MAF: variants seen among roughly 807,000 people sequenced by gnomAD.
The protein encoded by MAF is MAF bZIP transcription factor.
Under a neutral mutation model 22.0 loss-of-function variants are expected in MAF, and 10 were observed. The ratio of observed to expected loss-of-function variants is 0.45; its 90% CI spans 0.28 to 0.77. MAF has a LOEUF of 0.77. Ranked by LOEUF, MAF falls within the 30% of genes least tolerant of loss-of-function variation. The probability of loss-of-function intolerance (pLI) is 0.12; values close to 1 mark genes in which losing one functional copy is unlikely to be tolerated. For missense variants in MAF, 544 were observed against 548.4 expected (o/e 0.99, Z 0.08); for synonymous variants, 337 against 255.8 (o/e 1.32, Z -3.03).
chr16:79,554,119 A>C, the MAF span, among the ~76,000 whole-genome samples: 408 of 91,780 alleles, frequency 4.4e-3, 1 homozygote, highest in South Asian at 0.012. Flanking sequence ...ACAAACAAAC[A>C]AACAAACAAA....
At chr16:79,283,333 T>A in the MAF span, among the ~76,000 whole-genome samples, 1 of 152,356 alleles carries the variant, frequency 6.6e-6, no homozygotes, top group African/African-American at 2.4e-5. Flanking sequence ...TCACAATAAG[T>A]ACATTCCAGA....
chr16:79,588,504 G>T (rs1253289883), intron 1 of MAF, among the ~76,000 whole-genome samples: 4 of 151,858 alleles, frequency 2.6e-5, no homozygotes, highest in African/African-American at 9.7e-5. Context: ...GCGCAATCTG[G>T]GCTTACTGCA....
the MAF span, among the ~76,000 whole-genome samples, chr16:79,507,589 T>C: frequency 4.0e-4 from 61 of 152,142 alleles, 1 homozygote; most frequent in Middle Eastern, 3.4e-3. Flanking sequence ...CATGCCTGGC[T>C]AATTTTTTTG....
the MAF span, among the ~76,000 whole-genome samples, chr16:79,414,233 T>C: frequency 6.6e-6 from 1 of 152,306 alleles, no homozygotes; most frequent in South Asian, 2.1e-4. Flanking sequence ...GGATGGGCAA[T>C]TCACAAAGAA....
the MAF span, among the ~76,000 whole-genome samples, chr16:79,531,708 C>A: frequency 6.6e-6 from 1 of 152,146 alleles, no homozygotes; most frequent in South Asian, 2.1e-4. Context: ...AGCACTCAGG[C>A]AGTCATGTGA....
the MAF span, among the ~76,000 whole-genome samples, chr16:79,574,827 G>A: frequency 1.3e-5 from 2 of 152,172 alleles, no homozygotes; most frequent in Middle Eastern, 3.4e-3. Context: ...GATGAAGCAG[G>A]GGAAATGCAA....
the MAF span, among the ~76,000 whole-genome samples, chr16:79,354,848 G>A: frequency 6.6e-6 from 1 of 151,972 alleles, no homozygotes; most frequent in African/African-American, 2.4e-5. Flanking sequence ...CACACACACA[G>A]AAAAAAATAA....
the MAF span, among the ~76,000 whole-genome samples, chr16:79,496,103 C>A: frequency 6.6e-6 from 1 of 152,060 alleles, no homozygotes; most frequent in African/African-American, 2.4e-5. Flanking sequence ...AACTTCCTGA[C>A]CCACAAAAAT....
chr16:79,270,269 G>A, the MAF span, among the ~76,000 whole-genome samples: 1 of 152,070 alleles, frequency 6.6e-6, no homozygotes, highest in East Asian at 1.9e-4. Context: ...TGGCCTGAGG[G>A]CTGCAGGGGG....
chr16:79,499,870 T>A, the MAF span, among the ~76,000 whole-genome samples: 1 of 152,242 alleles, frequency 6.6e-6, no homozygotes, highest in Non-Finnish European at 1.5e-5. Context: ...TATTACCTTA[T>A]AGGTCAACAT....
At chr16:79,229,133 A>C in the MAF span, among the ~76,000 whole-genome samples, 38 of 75,628 alleles carry the variant, frequency 5.0e-4, 1 homozygote, top group African/African-American at 1.2e-3. Context: ...TCCTTCAAAC[A>C]TAGACCCCCC....
the MAF span, among the ~76,000 whole-genome samples, chr16:79,215,990 C>T: frequency 6.6e-6 from 1 of 152,216 alleles, no homozygotes; most frequent in African/African-American, 2.4e-5. Flanking sequence ...TTGCCAGACA[C>T]ATCAATCTTA....
chr16:79,437,393 G>A, the MAF span, among the ~76,000 whole-genome samples: 10 of 152,270 alleles, frequency 6.6e-5, no homozygotes, highest in South Asian at 2.1e-4. Flanking sequence ...ACCACCGTGT[G>A]GCCTGTTTGA....
At chr16:79,507,795 G>A in the MAF span, among the ~76,000 whole-genome samples, 20 of 152,208 alleles carry the variant, frequency 1.3e-4, no homozygotes, top group Admixed American at 5.9e-4. Context: ...GTAAGTCACT[G>A]CAATAAGGGT....
intron 1 of MAF, chr16:79,596,790 A>G (rs953437263): frequency 7.0e-5 from 73 of 1,047,550 alleles, no homozygotes; most frequent in Middle Eastern, 4.3e-4. Context: ...CTGCACCACA[A>G]TACAACTGTA....
the MAF span, among the ~76,000 whole-genome samples, chr16:79,450,840 T>A: frequency 6.6e-6 from 1 of 152,084 alleles, no homozygotes; most frequent in Non-Finnish European, 1.5e-5. Flanking sequence ...TTTTTACATT[T>A]TTTTTTTCTA....
the MAF span, among the ~76,000 whole-genome samples, chr16:79,222,455 T>C: frequency 6.6e-6 from 1 of 152,110 alleles, no homozygotes; most frequent in Admixed American, 6.5e-5. Context: ...CTAGCTAGCA[T>C]CATAATGACA....
chr16:79,347,858 C>T, the MAF span, among the ~76,000 whole-genome samples: 9 of 152,128 alleles, frequency 5.9e-5, no homozygotes, highest in Non-Finnish European at 1.0e-4. Flanking sequence ...CAGGCGAGAA[C>T]AGTGGGTCAA....
chr16:79,386,557 G>A, the MAF span, among the ~76,000 whole-genome samples: 35 of 152,244 alleles, frequency 2.3e-4, no homozygotes, highest in Non-Finnish European at 4.1e-4. Flanking sequence ...GGCCTGGCTC[G>A]TAACAGGCCA....
Sources: allele counts gnomAD v4.1 joint callset (sites outside exome capture counted in the v4.1 genomes callset), GRCh38; gene constraint gnomAD v4.1.1; transcripts MANE v1.5; gene names NCBI Gene and HGNC (gene_info 2026-07-23, HGNC 2026-07-21).